Variants in BFSP1 observed in about 807,000 individuals in gnomAD.
BFSP1 encodes beaded filament structural protein 1, also known as filensin.
BFSP1 carries 38 observed loss-of-function variants against 43.9 expected under a neutral mutation model. That is an observed-to-expected ratio of 0.87 (90% CI 0.67 to 1.14). The LOEUF (loss-of-function observed/expected upper bound fraction) is 1.14, where lower values mean the gene tolerates loss of function less well. Ranked by LOEUF, BFSP1 falls within the 50% of genes most tolerant of loss-of-function variation. The probability of loss-of-function intolerance (pLI) is 0.00; values close to 1 mark genes in which losing one functional copy is unlikely to be tolerated. For missense variants in BFSP1, 850 were observed against 875.1 expected (o/e 0.97, Z 0.36); for synonymous variants, 352 against 354.8 (o/e 0.99, Z 0.09).
intron 1 of BFSP1, among the ~76,000 whole-genome samples, chr20:17,553,872 C>CAT (rs33974639): frequency 0.08 from 4,975 of 62,122 alleles, 351 homozygotes; most frequent in East Asian, 0.25. Context: ...CATATATATA[C>CAT]ATATATATAT....
rs142096570 is a variant in BFSP1 at position 17,518,345 on chromosome 20, G to A, written c.439-3529C>T. ...TTAATTAGCCATTGACCTTTAACGA[G>A]CTCTGCCTTCAGGGGGTTACCATTC... On this transcript the variant is annotated intron_variant, in intron 2 of 7. Transcript: ENST00000377873. Among the ~76,000 whole-genome samples, 5 of 152,302 alleles carry A rather than the reference G, an allele frequency of 3.3e-5. No homozygotes were observed. In the East Asian group the frequency reaches 9.7e-4, roughly 29 times the overall value.
intron 5 of BFSP1, among the ~76,000 whole-genome samples, chr20:17,504,904 G>C (rs1021273284): frequency 7.6e-5 from 10 of 131,926 alleles, no homozygotes; most frequent in Admixed American, 7.7e-5. Flanking sequence ...TTAGGTGTAA[G>C]GTTTTTTTTT....
At position 17,531,072 on chromosome 20, in the gene BFSP1, G is replaced by C; in HGVS notation, c.258C>G (p.Asp86Glu). ...TGCTCTCGACTTGGCGGGCGAGGGC[G>C]TCCTCGGGCCCGGCCAGCTCGCCCA... ...QRLGELAGPE[D>E]ALARQVESNR... The change falls in exon 1 of 8, where the codon GAC (aspartate) becomes GAG (glutamate). Residue 86 changes from aspartate (D) to glutamate (E), a missense_variant. Coordinates refer to ENST00000377873, the MANE Select transcript of BFSP1 (RefSeq NM_001195.5). The C allele has an allele frequency of 7.2e-7, 1 of 1,394,850 alleles. No homozygotes were observed. Among genetic ancestry groups the C allele is most frequent in the Non-Finnish European group, 9.3e-7 (1 of 1,075,904 alleles). The allele number at this position is 1,394,850 out of a possible 1,614,324, so 86.4% of individuals were successfully genotyped here.
chr20:17,531,526 G>C, upstream of BFSP1, among the ~76,000 whole-genome samples: 1 of 152,390 alleles, frequency 6.6e-6, no homozygotes, highest in Non-Finnish European at 1.5e-5. Context: ...TTGTGCGGCG[G>C]ATTAGCGGCC....
At position 17,512,931 on chromosome 20, in the gene BFSP1, G is replaced by A. The variant is rs537492810; in HGVS notation, c.535-863C>T. On this transcript the variant is annotated intron_variant, in intron 3 of 7. Coordinates refer to ENST00000377873, the MANE Select transcript of BFSP1 (RefSeq NM_001195.5). ...GTAGGGATGCTGATCCCCTTTACCCGCCAGTGCCCCTGTCCCCAGCTCTGT... is the reference window on the plus strand; with the variant it reads ...GTAGGGATGCTGATCCCCTTTACCCACCAGTGCCCCTGTCCCCAGCTCTGT... Among the ~76,000 whole-genome samples, 175 of 152,192 alleles carry A rather than the reference G, an allele frequency of 1.1e-3. 1 individual carries two copies. Among genetic ancestry groups the A allele is most frequent in the African/African-American group, 3.8e-3 (159 of 41,496 alleles).
chr20:17,497,446 A>G (rs7344011), intron 6 of BFSP1, among the ~76,000 whole-genome samples: 486 of 21,584 alleles, frequency 0.023, 10 homozygotes, highest in African/African-American at 0.15. Context: ...ATATACGTGT[A>G]TGTATATATA....
chr20:17,529,875 A>G (rs545592529), intron 1 of BFSP1, among the ~76,000 whole-genome samples: 1 of 152,264 alleles, frequency 6.6e-6, no homozygotes, highest in East Asian at 1.9e-4. Flanking sequence ...AGTGCATCCT[A>G]TAATACATTC....
chr20:17,564,341 T>C (rs1405334754), intron 1 of BFSP1, among the ~76,000 whole-genome samples: 1 of 143,356 alleles, frequency 7.0e-6, no homozygotes, highest in Non-Finnish European at 1.5e-5. Flanking sequence ...CACTCCAGCC[T>C]GGGTGAGAGT....
intron 1 of BFSP1, among the ~76,000 whole-genome samples, chr20:17,549,911 C>T (rs1032089102): frequency 6.6e-6 from 1 of 152,180 alleles, no homozygotes; most frequent in Admixed American, 6.5e-5. Flanking sequence ...TCACCTCTCA[C>T]TAGGTCCCAT....
chr20:17,533,408 GAACAA>G (rs2034580045), upstream of BFSP1, among the ~76,000 whole-genome samples: 3 of 152,122 alleles, frequency 2.0e-5, no homozygotes, highest in Non-Finnish European at 2.9e-5. Flanking sequence ...TATTGCTACA[GAACAA>G]AATAGAAGTA....
intron 2 of BFSP1, among the ~76,000 whole-genome samples, chr20:17,523,965 A>C (rs1162196573): frequency 6.6e-6 from 1 of 152,108 alleles, no homozygotes; most frequent in Non-Finnish European, 1.5e-5. Flanking sequence ...AGCCTAAAGC[A>C]TACCTGGGCA....
chr20:17,520,764 G>C (rs758177276), intron 2 of BFSP1, among the ~76,000 whole-genome samples: 1 of 151,994 alleles, frequency 6.6e-6, no homozygotes, highest in Non-Finnish European at 1.5e-5. Flanking sequence ...TCTCTTCTCC[G>C]GAAGTTCATT....
chr20:17,524,144 T>G (rs1214624775), intron 2 of BFSP1, among the ~76,000 whole-genome samples: 2 of 152,200 alleles, frequency 1.3e-5, no homozygotes, highest in African/African-American at 4.8e-5. Flanking sequence ...AAAAGGGCCA[T>G]GCTTAAAGCT....
rs34512937 is a variant in BFSP1, at chr20:17,497,459, T to TACACAC, written c.957-442_957-437dup. Among the ~76,000 whole-genome samples the TACACAC allele has an allele frequency of 7.1e-3, 1,028 of 144,842 alleles. 17 individuals carry two copies. Among genetic ancestry groups the TACACAC allele is most frequent in the African/African-American group, 0.021 (832 of 38,924 alleles). On this transcript the variant is annotated intron_variant, in intron 6 of 7. Transcript: ENST00000377873. Reference sequence around the variant, plus strand: ...ATATATACGTGTATGTATATATATATACACACACACACGTATATATACGTG... The same window carrying TACACAC: ...ATATATACGTGTATGTATATATATATACACACACACACACACACGTATATATACGTG...
chr20:17,547,430 C>A (rs1158964731), intron 1 of BFSP1, among the ~76,000 whole-genome samples: 1 of 152,094 alleles, frequency 6.6e-6, no homozygotes, highest in Non-Finnish European at 1.5e-5. Flanking sequence ...CTGGGCTCCT[C>A]CTGGGATGGT....
At chr20:17,552,499 G>C (rs1056084319) in intron 1 of BFSP1, among the ~76,000 whole-genome samples, 1 of 152,182 alleles carries the variant, frequency 6.6e-6, no homozygotes, top group African/African-American at 2.4e-5. Context: ...TTTTGGCAAG[G>C]AAGTGGCATA....
intron 5 of BFSP1, among the ~76,000 whole-genome samples, chr20:17,499,569 C>G (rs1336896436): frequency 6.6e-6 from 1 of 151,912 alleles, no homozygotes; most frequent in African/African-American, 2.4e-5. Context: ...ATATCAGCAC[C>G]CTCTGCAATT....
At position 17,517,787 on chromosome 20, in the gene BFSP1, A is replaced by T. The variant is rs141345806; in HGVS notation, c.439-2971T>A. Among the ~76,000 whole-genome samples, 415 of 152,304 alleles carry T rather than the reference A, an allele frequency of 2.7e-3. 3 individuals carry two copies. The highest frequency in any genetic ancestry group is 9.6e-3 in the African/African-American group (398 of 41,578). On this transcript the variant is annotated intron_variant, in intron 2 of 7. Transcript: ENST00000377873. ...CTGCTGTGTATTTTACACTCATAAC[A>T]CATCTCAATTCGAACTCCCCACATT...
intron 2 of BFSP1, among the ~76,000 whole-genome samples, chr20:17,522,290 GT>G (rs1484332194): frequency 1.3e-5 from 2 of 152,160 alleles, no homozygotes; most frequent in Non-Finnish European, 1.5e-5. Context: ...TCAAGGGTGA[GT>G]TTCCTCACTG....
Sources: allele counts gnomAD v4.1 joint callset (sites outside exome capture counted in the v4.1 genomes callset), GRCh38; gene constraint gnomAD v4.1.1; transcripts MANE v1.5; gene names NCBI Gene and HGNC (gene_info 2026-07-23, HGNC 2026-07-21).